The following TEX11 variants were observed in gnomAD, a reference collection of about 807,000 sequenced individuals.
TEX11 encodes the protein testis expressed 11, also known as testis-expressed protein 11.
In TEX11, 7 loss-of-function variants were observed where a neutral mutation model predicts 84.4. The observed-to-expected ratio is 0.08, with a 90% CI of 0.05 to 0.16. The LOEUF is 0.16. TEX11 is among the 10% of genes least tolerant of loss of function. The pLI, the probability that TEX11 is intolerant of heterozygous loss-of-function variation, is 1.00. For synonymous variants in TEX11, 264 were observed against 222.8 expected (o/e 1.18, Z -1.64); for missense variants, 551 against 660.5 (o/e 0.83, Z 1.82).
At chrX:70,891,316 C>T (rs906147112) in intron 2 of TEX11, among the ~76,000 whole-genome samples, 3 of 111,434 alleles carry the variant, frequency 2.7e-5, no homozygotes, top group Non-Finnish European at 5.6e-5. Flanking sequence ...AACCAGAGTG[C>T]CTCTCCTCCT....
At chrX:70,898,607 ATTTT>A (rs60312400) in intron 2 of TEX11, among the ~76,000 whole-genome samples, 2 of 85,594 alleles carry the variant, frequency 2.3e-5, no homozygotes, top group East Asian at 3.7e-4. Context: ...TATAAACTGT[ATTTT>A]TTTTTTTTTT....
At chrX:70,879,742 G>A (rs992998555) in intron 3 of TEX11, among the ~76,000 whole-genome samples, 2 of 110,590 alleles carry the variant, frequency 1.8e-5, no homozygotes, top group Non-Finnish European at 3.8e-5. Flanking sequence ...GCCTGGGGAG[G>A]TTAATAAATA....
At chrX:70,875,796 A>G (rs906783372) in intron 3 of TEX11, among the ~76,000 whole-genome samples, 1 of 111,783 alleles carries the variant, frequency 8.9e-6, no homozygotes, top group Non-Finnish European at 1.9e-5. Context: ...AGTGGTCATG[A>G]AAACTATGTT....
chrX:70,865,526 G>C (rs1821618713), intron 4 of TEX11, among the ~76,000 whole-genome samples: 1 of 111,520 alleles, frequency 9.0e-6, no homozygotes, highest in Admixed American at 9.6e-5. Context: ...CTTGAACTCA[G>C]CTCTGGAGAA....
chrX:70,754,146 G>T (rs1410345666), intron 9 of TEX11, among the ~76,000 whole-genome samples: 1 of 111,457 alleles, frequency 9.0e-6, no homozygotes, highest in East Asian at 2.8e-4. Flanking sequence ...AGCTCTTAGG[G>T]TCCCCAATTC....
At chrX:70,754,833 C>G (rs748130526) in intron 9 of TEX11, among the ~76,000 whole-genome samples, 20 of 111,847 alleles carry the variant, frequency 1.8e-4, no homozygotes, top group African/African-American at 6.5e-4. Context: ...AGAGCCTCTG[C>G]TTGGTAATCC....
At chrX:70,578,122 T>C (rs1177692201) in intron 25 of TEX11, among the ~76,000 whole-genome samples, 1 of 112,397 alleles carries the variant, frequency 8.9e-6, no homozygotes, top group Admixed American at 9.5e-5. Context: ...AACTCCTAGA[T>C]TGTTTACATT....
At chrX:70,561,858 G>A (rs2088380810) in intron 25 of TEX11, among the ~76,000 whole-genome samples, 1 of 111,905 alleles carries the variant, frequency 8.9e-6, no homozygotes, top group Non-Finnish European at 1.9e-5. Flanking sequence ...TGATATATTA[G>A]GTAACAATTA....
At chrX:70,519,176 G>T in the TEX11 span, among the ~76,000 whole-genome samples, 15,420 of 111,081 alleles carry the variant, frequency 0.14, 1,086 homozygotes, top group Non-Finnish European at 0.2. Context: ...TGGTTATTTT[G>T]CCCATTAATT....
chrX:70,644,083 A>G (rs6525397), intron 17 of TEX11, among the ~76,000 whole-genome samples: 3 of 96,289 alleles, frequency 3.1e-5, no homozygotes, highest in Non-Finnish European at 6.3e-5. Flanking sequence ...AAGAAAAAAA[A>G]AAACAACCCC....
In TEX11 at chrX:70,557,861, A is replaced by G. The variant is rs748916019; in HGVS notation, c.2141-3061T>C. On this transcript the variant is annotated intron_variant, in intron 25 of 29. Transcript: ENST00000374333. Reference sequence around the variant, plus strand: ...CTGATTTCAAAGCTTACTAGAAAGCAATGGAGGCTGGGCGCAGTGGCTCAT... The same window carrying G: ...CTGATTTCAAAGCTTACTAGAAAGCGATGGAGGCTGGGCGCAGTGGCTCAT... Among the ~76,000 whole-genome samples the G allele has an allele frequency of 1.6e-3, 175 of 112,360 alleles. 1 individual carries two copies. Among genetic ancestry groups the G allele is most frequent in the African/African-American group, 5.5e-3 (172 of 30,997 alleles).
chrX:70,796,401 G>T (rs2091156202), intron 9 of TEX11, among the ~76,000 whole-genome samples: 1 of 111,979 alleles, frequency 8.9e-6, no homozygotes. Flanking sequence ...AGAGGAGGTA[G>T]AGAAAGATAT....
intron 16 of TEX11, among the ~76,000 whole-genome samples, chrX:70,656,742 G>T (rs1417636015): frequency 8.9e-6 from 1 of 112,318 alleles, no homozygotes; most frequent in East Asian, 2.8e-4. Flanking sequence ...AAATTGGCTT[G>T]TAGAAATCAA....
chrX:70,566,411 G>A (rs1372650461), intron 25 of TEX11, among the ~76,000 whole-genome samples: 3 of 105,829 alleles, frequency 2.8e-5, no homozygotes, highest in Non-Finnish European at 3.9e-5. Flanking sequence ...TCTCCTGCCT[G>A]ATTGCCCTGG....
chrX:70,760,931 C>A (rs1602106334), intron 9 of TEX11, among the ~76,000 whole-genome samples: 2 of 111,975 alleles, frequency 1.8e-5, no homozygotes, highest in African/African-American at 6.5e-5. Flanking sequence ...GCAACAACCC[C>A]ATGAAAAAGT....
intron 2 of TEX11, chrX:70,897,341 C>T (rs1379801990): frequency 5.8e-5 from 6 of 103,999 alleles, no homozygotes; most frequent in African/African-American, 1.7e-4. Context: ...CCTGTAATCC[C>T]AACACTTTGG....
intron 9 of TEX11, among the ~76,000 whole-genome samples, chrX:70,786,000 C>T (rs1314521062): frequency 3.6e-5 from 4 of 111,881 alleles, no homozygotes; most frequent in South Asian, 7.5e-4. Flanking sequence ...AATCATGCTA[C>T]TATAAAGATA....
intron 13 of TEX11, among the ~76,000 whole-genome samples, chrX:70,704,187 T>A (rs757007784): frequency 4.6e-5 from 5 of 109,379 alleles, no homozygotes; most frequent in Non-Finnish European, 9.5e-5. Flanking sequence ...CTGCCATGAG[T>A]AAAAGTTCCC....
At chrX:70,855,820 G>A (rs1179160174) in intron 5 of TEX11, among the ~76,000 whole-genome samples, 1 of 111,398 alleles carries the variant, frequency 9.0e-6, no homozygotes, top group Admixed American at 9.7e-5. Context: ...GGCCATGTGA[G>A]AGGACACAGC....
Sources: gnomAD v4.1 joint callset for allele counts (sites outside exome capture counted in the v4.1 genomes callset) on GRCh38, gnomAD v4.1.1 for gene constraint, MANE v1.5 for transcripts, NCBI Gene and HGNC (gene_info 2026-07-23, HGNC 2026-07-21) for gene names.